PCDHGA12: variants seen among roughly 807,000 people sequenced by gnomAD.
PCDHGA12 encodes the protein protocadherin gamma-A12.
PCDHGA12 carries 43 observed loss-of-function variants against 61.1 expected under a neutral mutation model. That is an observed-to-expected ratio of 0.70 (90% CI 0.55 to 0.91). The LOEUF (loss-of-function observed/expected upper bound fraction) is 0.91. Among genes scored for constraint, PCDHGA12 ranks in the 40% least tolerant of loss-of-function variants. The pLI, the probability that PCDHGA12 is intolerant of heterozygous loss-of-function variation, is 0.00. For synonymous variants in PCDHGA12, 520 were observed against 542.9 expected (o/e 0.96, Z 0.59); for missense variants, 1,236 against 1,227.7 (o/e 1.01, Z -0.10).
At chr5:141,502,961 A>G (rs886622146) in intron 2 of PCDHGA12, among the ~76,000 whole-genome samples, 3 of 146,786 alleles carry the variant, frequency 2.0e-5, no homozygotes, top group Non-Finnish European at 4.4e-5. Context: ...CTCCTGCCTC[A>G]GCCTCCCAAG....
intron 1 of PCDHGA12, chr5:141,478,150 C>T (rs569939900): frequency 6.2e-7 from 1 of 1,614,086 alleles, no homozygotes; most frequent in African/African-American, 1.3e-5. Flanking sequence ...CCGAGTTCCC[C>T]TCTGGCTCTG....
In PCDHGA12 at chr5:141,432,598, G is replaced by A; in HGVS notation, c.1839G>A (p.Glu613=). The A allele has an allele frequency of 6.2e-7, 1 of 1,613,920 alleles. No individual in the cohort carries two copies. The highest frequency in any genetic ancestry group is 8.5e-7 in the Non-Finnish European group (1 of 1,179,972). The change falls in exon 1 of 4, where the codon GAG becomes GAA. Residue 613 remains glutamate, a synonymous_variant. Transcript: ENST00000252085. The surrounding 1 kb of genome is among the most constrained non-coding windows in gnomAD (Gnocchi z 6.0). The part of the protein sequence containing the change: ...WLSYRLLKAS[E]PGLFSVGLHT... ...CCTACCGTCTGCTCAAGGCCAGCGA[G>A]CCGGGACTCTTCTCGGTGGGTCTGC...
At chr5:141,499,606 C>T (rs2099792968) in intron 2 of PCDHGA12, among the ~76,000 whole-genome samples, 1 of 152,028 alleles carries the variant, frequency 6.6e-6, no homozygotes, top group African/African-American at 2.4e-5. Context: ...TATCCCTACC[C>T]TTATCCTGTC....
At chr5:141,506,164 G>A (rs959032250) in intron 3 of PCDHGA12, among the ~76,000 whole-genome samples, 17 of 152,140 alleles carry the variant, frequency 1.1e-4, no homozygotes, top group Non-Finnish European at 2.4e-4. Context: ...TAAGAGCACA[G>A]CCTAAGCTGG....
rs759587995 is a variant in PCDHGA12, at chr5:141,491,802, G to T, written c.2425-3005G>T. On this transcript the variant is annotated intron_variant, in intron 1 of 3. Coordinates refer to ENST00000252085, the MANE Select transcript of PCDHGA12 (RefSeq NM_003735.3). The surrounding 1 kb of genome is among the most constrained non-coding windows in gnomAD (Gnocchi z 6.9). ...ACTTGCATCCACTCCTCTCCGGCCGGCTTGGTCGCTGGCTGCGCTCCACCC... is the reference window on the plus strand; with the variant it reads ...ACTTGCATCCACTCCTCTCCGGCCGTCTTGGTCGCTGGCTGCGCTCCACCC... 1 of 1,497,480 alleles carries T rather than the reference G, an allele frequency of 6.7e-7. No individual in the cohort carries two copies. Among genetic ancestry groups the T allele is most frequent in the East Asian group, 2.5e-5 (1 of 40,518 alleles). The allele number at this position is 1,497,480 out of a possible 1,614,324, so 92.8% of individuals were successfully genotyped here. A position where few individuals can be genotyped will look rare whatever the true frequency, so the allele number is the denominator to read the frequency against.
At position 141,465,659 on chromosome 5, in the gene PCDHGA12, T is replaced by C. The variant is rs184749770; in HGVS notation, c.2425-29148T>C. Among the ~76,000 whole-genome samples the C allele has an allele frequency of 3.5e-4, 53 of 152,318 alleles. 1 individual carries two copies. Among genetic ancestry groups the C allele is most frequent in the African/African-American group, 1.2e-3 (50 of 41,576 alleles). ...TGCTTTGAACATCCCAAAAAAGCGC[T>C]TGCCATGACATTTGCTCTTGACCAG... On this transcript the variant is annotated intron_variant, in intron 1 of 3. Transcript: ENST00000252085.
chr5:141,505,577 G>A lies in PCDHGA12; in HGVS notation c.2572+96G>A, dbSNP rs537948666. 8.2e-6 allele frequency: 13 copies of A among 1,589,854 alleles called. No homozygotes were observed. The African/African-American group carries it at 1.1e-4, about 13-fold the overall frequency. Reference sequence around the variant, plus strand: ...TGCCCACGGACTGGATGTCAAACCTGTGTAGTTTCTCCAGATCTTTCGGCA... The same window carrying A: ...TGCCCACGGACTGGATGTCAAACCTATGTAGTTTCTCCAGATCTTTCGGCA... On this transcript the variant is annotated intron_variant, in intron 3 of 3. Coordinates refer to ENST00000252085, the MANE Select transcript of PCDHGA12 (RefSeq NM_003735.3).
Position 141,431,240 on chromosome 5 carries a change from G to A in PCDHGA12, c.481G>A (p.Asp161Asn), listed in dbSNP as rs1402814836. 6 of 1,614,044 alleles carry A rather than the reference G, an allele frequency of 3.7e-6. No individual in the cohort carries two copies. Among genetic ancestry groups the A allele is most frequent in the Non-Finnish European group, 5.1e-6 (6 of 1,180,056 alleles). Residue 161 changes from aspartate to asparagine, a missense_variant, in exon 1 of 4, where the codon GAT becomes AAT. Coordinates refer to ENST00000252085, the MANE Select transcript of PCDHGA12 (RefSeq NM_003735.3). The surrounding 1 kb of genome is among the most constrained non-coding windows in gnomAD (Gnocchi z 4.8). ...RFPLPHAWDP[D>N]IGKNSLQSYE... Reference sequence around the variant, plus strand: ...CCCTCTACCCCACGCCTGGGATCCGGATATCGGGAAGAACTCTCTGCAGAG... The same window carrying A: ...CCCTCTACCCCACGCCTGGGATCCGAATATCGGGAAGAACTCTCTGCAGAG...
In PCDHGA12 at chr5:141,511,352, C is replaced by A. The variant is rs2099883742; in HGVS notation, c.*179C>A. The A allele has an allele frequency of 3.6e-6, 5 of 1,381,248 alleles. No homozygotes were observed. The highest frequency in any genetic ancestry group is 2.7e-4 in the Middle Eastern group (1 of 3,772). 85.6% of individuals were successfully genotyped at this position (1,381,248 alleles called of 1,614,324 possible). ...CAGTCAGCACCTACCCCTTCCCCCCCAGGGGGTTGAATATGCAAAAGCAGT... is the reference window on the plus strand; with the variant it reads ...CAGTCAGCACCTACCCCTTCCCCCCAAGGGGGTTGAATATGCAAAAGCAGT... On this transcript the variant is annotated 3_prime_UTR_variant, in exon 4 of 4. Coordinates refer to ENST00000252085, the MANE Select transcript of PCDHGA12 (RefSeq NM_003735.3).
intron 2 of PCDHGA12, among the ~76,000 whole-genome samples, chr5:141,501,700 C>T (rs936448354): frequency 6.6e-6 from 1 of 151,950 alleles, no homozygotes; most frequent in African/African-American, 2.4e-5. Flanking sequence ...AGGGTGATTC[C>T]GAGGATAAAA....
intron 1 of PCDHGA12, among the ~76,000 whole-genome samples, chr5:141,456,460 C>G (rs1444956833): frequency 6.6e-6 from 1 of 152,002 alleles, no homozygotes; most frequent in East Asian, 1.9e-4. Context: ...AATATCAATA[C>G]AAGACATATA....
In PCDHGA12 at chr5:141,432,582, T is replaced by A. The variant is rs1561862595; in HGVS notation, c.1823T>A (p.Leu608Gln). 2 of 1,613,236 alleles carry A rather than the reference T, an allele frequency of 1.2e-6. No homozygotes were observed. The highest frequency in any genetic ancestry group is 1.7e-6 in the Non-Finnish European group (2 of 1,179,922). Residue 608 changes from leucine to glutamine, a missense_variant, in exon 1 of 4, where the codon CTG becomes CAG. Leu to Gln is a moderately radical substitution (Grantham distance 113, BLOSUM62 -2). Transcript: ENST00000252085. This position sits in a 1 kb window ranked among gnomAD's most constrained non-coding sequence, Gnocchi z 6.0. ...CAGAACGCCTGGCTGTCCTACCGTC[T>A]GCTCAAGGCCAGCGAGCCGGGACTC... The part of the protein sequence containing the change: ...SGQNAWLSYR[L>Q]LKASEPGLFS...
In PCDHGA12 at chr5:141,432,751, G is replaced by A; in HGVS notation, c.1992G>A (p.Val664=). The A allele has an allele frequency of 6.2e-7, 1 of 1,614,130 alleles. No homozygotes were observed. Among genetic ancestry groups the A allele is most frequent in the Non-Finnish European group, 8.5e-7 (1 of 1,179,982 alleles). The part of the protein sequence containing the change: ...LSATVTLTVA[V]ADSIPQVLAD... Reference sequence around the variant, plus strand: ...CCACTGTCACGCTCACCGTGGCCGTGGCCGACAGCATCCCCCAAGTCCTGG... The same window carrying A: ...CCACTGTCACGCTCACCGTGGCCGTAGCCGACAGCATCCCCCAAGTCCTGG... Residue 664 remains valine, a synonymous_variant, in exon 1 of 4, where the codon GTG becomes GTA. Transcript: ENST00000252085. This position sits in a 1 kb window ranked among gnomAD's most constrained non-coding sequence, Gnocchi z 6.0.
chr5:141,449,067 T>A lies in PCDHGA12; in HGVS notation c.2424+15884T>A, dbSNP rs547833131. On this transcript the variant is annotated intron_variant, in intron 1 of 3. Transcript: ENST00000252085. ...AGTCTCATAAATGAGCGCTATTGAA[T>A]AGCCCTGTACCTACATCAGTTTTTA... Among the ~76,000 whole-genome samples the A allele has an allele frequency of 3.3e-5, 5 of 152,342 alleles. No homozygotes were observed. In the East Asian group the frequency reaches 9.6e-4, roughly 29 times the overall value.
In PCDHGA12 at chr5:141,487,087, C is replaced by G. The variant is rs752261507; in HGVS notation, c.2425-7720C>G. 1.2e-6 allele frequency: 2 copies of G among 1,613,890 alleles called. No homozygotes were observed. Among genetic ancestry groups the G allele is most frequent in the Non-Finnish European group, 1.7e-6 (2 of 1,179,804 alleles). ...CGGCTGTTCCTATCCCAGCTGACCT[C>G]CCACCACAGAAGCTGGTCATTGTGG... On this transcript the variant is annotated intron_variant, in intron 1 of 3. Transcript: ENST00000252085. The surrounding 1 kb of genome is among the most constrained non-coding windows in gnomAD (Gnocchi z 5.0).
In PCDHGA12 at chr5:141,502,866, C is replaced by CTTTTTTTTTT. The variant is rs549047197; in HGVS notation, c.2484-2522_2484-2513dup. On this transcript the variant is annotated intron_variant, in intron 2 of 3. Transcript: ENST00000252085. ...GAGCTGCCTAACCCTGACTCTCTGT[C>CTTTTTTTTTT]TTTTTTTTTTTTTTGACAGGGAGTC... 1.9e-3 allele frequency among the ~76,000 whole-genome samples: 240 copies of CTTTTTTTTTT among 127,966 alleles called. 11 individuals are homozygous for CTTTTTTTTTT. The highest frequency in any genetic ancestry group is 3.5e-3 in the Admixed American group (41 of 11,656). The allele number at this position is 127,966 out of a possible 152,430, so 84.0% of individuals were successfully genotyped here.
At chr5:141,484,968 C>A (rs2099604490) in intron 1 of PCDHGA12, 2 of 585,734 alleles carry the variant, frequency 3.4e-6, no homozygotes, top group African/African-American at 3.7e-5. Context: ...GCCCGGGAGC[C>A]GCTGTCTGCC....
chr5:141,487,293 C>T lies in PCDHGA12; in HGVS notation c.2425-7514C>T. ...GCAATTTGCTTTGTCTCCTTTGGCT[C>T]ATTCGTGGCACTACTCTCTAAGTGT... is the stretch of plus-strand genomic sequence containing the variant. On this transcript the variant is annotated intron_variant, in intron 1 of 3. Transcript: ENST00000252085. The surrounding 1 kb of genome is among the most constrained non-coding windows in gnomAD (Gnocchi z 5.0). 1 of 1,614,148 alleles carries T rather than the reference C, an allele frequency of 6.2e-7. No individual in the cohort carries two copies. Among genetic ancestry groups the T allele is most frequent in the Non-Finnish European group, 8.5e-7 (1 of 1,180,010 alleles).
In PCDHGA12 at chr5:141,476,850, A is replaced by G. The variant is rs747333239; in HGVS notation, c.2425-17957A>G. The G allele has an allele frequency of 1.2e-6, 2 of 1,613,836 alleles. No individual in the cohort carries two copies. Among genetic ancestry groups the G allele is most frequent in the Admixed American group, 3.3e-5 (2 of 60,030 alleles). ...GCGAATGACAATGCGCCTGTCTTCA[A>G]CCAGTCCTTGTACCGGGCGCGCGTC... is the stretch of plus-strand genomic sequence containing the variant. On this transcript the variant is annotated intron_variant, in intron 1 of 3. Transcript: ENST00000252085. The surrounding 1 kb of genome is among the most constrained non-coding windows in gnomAD (Gnocchi z 7.6).
Sources: gnomAD v4.1 joint callset for allele counts (sites outside exome capture counted in the v4.1 genomes callset) on GRCh38, gnomAD v4.1.1 for gene constraint, Gnocchi (gnomAD v3.1) non-coding constraint, MANE v1.5 for transcripts, NCBI Gene and HGNC (gene_info 2026-07-23, HGNC 2026-07-21) for gene names.